The following NPAT variants were observed in gnomAD, a reference collection of about 807,000 sequenced individuals.
NPAT encodes protein NPAT.
A neutral mutation model predicts 130.7 loss-of-function variants in NPAT; 52 were observed. The observed-to-expected ratio is 0.40, with a 90% CI of 0.32 to 0.50. The LOEUF is 0.50. Ranked by LOEUF, NPAT falls within the 20% of genes least tolerant of loss-of-function variation. The pLI is 0.68. For missense variants in NPAT, 1,687 were observed against 1,662.6 expected, an observed-to-expected ratio of 1.01 and a Z score of -0.26; for synonymous variants, 580 against 584.8, an observed-to-expected ratio of 0.99 and a Z score of 0.12.
rs1042146659 is a variant in NPAT, at chr11:108,157,336, C to T, written c.*1606G>A. ...CAAACTCCCAAAAAGAACTGACTTG[C>T]AAAGGAATTTAATCAGTTTCTAAAC... is the stretch of plus-strand genomic sequence containing the variant. On this transcript the variant is annotated 3_prime_UTR_variant, in exon 18 of 18. Transcript: ENST00000278612. 19 of 152,088 alleles carry T rather than the reference C, an allele frequency of 1.2e-4. No homozygotes were observed. The highest frequency in any genetic ancestry group is 4.3e-4 in the African/African-American group (18 of 41,428). 9.4% of individuals were successfully genotyped at this position (152,088 alleles called of 1,614,324 possible). A position where few individuals can be genotyped will look rare whatever the true frequency, so the allele number is the denominator to read the frequency against.
chr11:108,157,913 C>A lies in NPAT; in HGVS notation c.*1029G>T, dbSNP rs1241779756. The A allele has an allele frequency of 6.6e-6, 1 of 152,480 alleles. No homozygotes were observed. Among genetic ancestry groups the A allele is most frequent in the Non-Finnish European group, 1.5e-5 (1 of 67,956 alleles). The allele number at this position is 152,480 out of a possible 1,614,324, so 9.4% of individuals were successfully genotyped here. ...AAACTCTTTGTAACACTTTAAGGGA[C>A]ACAGACAATGCACTATATCTAAGTA... On this transcript the variant is annotated 3_prime_UTR_variant, in exon 18 of 18. Transcript: ENST00000278612.
intron 15 of NPAT, among the ~76,000 whole-genome samples, chr11:108,166,400 A>AT (rs963371909): frequency 6.6e-6 from 1 of 152,124 alleles, no homozygotes; most frequent in African/African-American, 2.4e-5. Flanking sequence ...CTAAAAAAAA[A>AT]TAAAAAAATA....
intron 1 of NPAT, among the ~76,000 whole-genome samples, chr11:108,204,986 A>G (rs990089690): frequency 1.3e-5 from 2 of 152,214 alleles, no homozygotes; most frequent in Admixed American, 6.5e-5. Context: ...AAAAAACTTA[A>G]TCTACACATG....
chr11:108,176,516 C>A (rs984380659), intron 11 of NPAT, 142 bp from the exon 12 acceptor site: 3 of 662,058 alleles, frequency 4.5e-6, no homozygotes, highest in Non-Finnish European at 7.8e-6. Flanking sequence ...CTTTTAATAT[C>A]ATTTACAAGT....
chr11:108,184,246 C>A (rs558195005), intron 10 of NPAT, among the ~76,000 whole-genome samples: 2 of 152,132 alleles, frequency 1.3e-5, no homozygotes, highest in African/African-American at 4.8e-5. Flanking sequence ...CCGAGGCGGG[C>A]AGATAACGAG....
chr11:108,215,600 C>T (rs1012921639), intron 1 of NPAT, among the ~76,000 whole-genome samples: 1 of 152,156 alleles, frequency 6.6e-6, no homozygotes. Flanking sequence ...GGAACTGTAT[C>T]GTTAACCAGG....
chr11:108,217,043 G>C (rs1410994378), intron 1 of NPAT, among the ~76,000 whole-genome samples: 2 of 152,184 alleles, frequency 1.3e-5, no homozygotes, highest in Admixed American at 1.3e-4. Flanking sequence ...TGAGGACACT[G>C]TATGTGTGGA....
chr11:108,210,890 A>G (rs2078377750), intron 1 of NPAT, among the ~76,000 whole-genome samples: 1 of 152,224 alleles, frequency 6.6e-6, no homozygotes, highest in Non-Finnish European at 1.5e-5. Flanking sequence ...AACAAGAGAA[A>G]GACATCACAA....
intron 1 of NPAT, among the ~76,000 whole-genome samples, chr11:108,212,448 C>A (rs1057406963): frequency 4.0e-5 from 6 of 151,632 alleles, no homozygotes; most frequent in African/African-American, 1.2e-4. Context: ...TTGCTTGAAT[C>A]CGGGAGGTGG....
chr11:108,191,185 C>T (rs1403541435), intron 4 of NPAT, among the ~76,000 whole-genome samples: 1 of 151,974 alleles, frequency 6.6e-6, no homozygotes, highest in African/African-American at 2.4e-5. Context: ...AGATGCCTTC[C>T]CACAGAGAAA....
At chr11:108,181,069 C>T (rs903204442) in intron 10 of NPAT, among the ~76,000 whole-genome samples, 5 of 152,194 alleles carry the variant, frequency 3.3e-5, no homozygotes, top group African/African-American at 1.2e-4. Context: ...AAGAGCTTTA[C>T]AGATCAAATT....
At chr11:108,219,994 T>A (rs1348992720) in intron 1 of NPAT, among the ~76,000 whole-genome samples, 1 of 152,194 alleles carries the variant, frequency 6.6e-6, no homozygotes, top group East Asian at 1.9e-4. Flanking sequence ...CAAAGAGAAG[T>A]AGAATACATA....
chr11:108,158,001 T>G lies in NPAT; in HGVS notation c.*941A>C, dbSNP rs1419670188. ...CTAAAATATAAAACTATGATTTCTC[T>G]TTTTACATCTTATGATGGACACAAC... is the stretch of plus-strand genomic sequence containing the variant. On this transcript the variant is annotated 3_prime_UTR_variant, in exon 18 of 18. Coordinates refer to ENST00000278612, the MANE Select transcript of NPAT (RefSeq NM_002519.3). 6.6e-6 allele frequency: 1 copy of G among 152,538 alleles called. No individual in the cohort carries two copies. Among genetic ancestry groups the G allele is most frequent in the Non-Finnish European group, 1.5e-5 (1 of 67,948 alleles). The allele number at this position is 152,538 out of a possible 1,614,324, so 9.4% of individuals were successfully genotyped here.
intron 10 of NPAT, among the ~76,000 whole-genome samples, chr11:108,181,152 A>C (rs1238863548): frequency 6.6e-6 from 1 of 152,154 alleles, no homozygotes; most frequent in Non-Finnish European, 1.5e-5. Flanking sequence ...ACCTTTAAAG[A>C]AGTAACTATG....
rs2078110168 is a variant in NPAT at position 108,186,564 on chromosome 11, G to C, written c.644C>G (p.Ser215Cys). ...LMSPGRRKSE[S>C]QRKSTTLSGP... is the part of the protein sequence containing the mutation. ...AGACAAAGTGGTACTTTTTCTCTGA[G>C]ATTCACTGAAACACATTTTAAAAGC... The change falls in exon 8 of 18, where the codon TCT (serine) becomes TGT (cysteine). Residue 215 changes from serine to cysteine, a missense_variant. Ser to Cys is a moderately radical substitution (Grantham distance 112). Around this residue, in one of 3 missense-constraint regions of NPAT, gnomAD observed 307 missense variants for 298.9 expected, o/e 1.03. Transcript: ENST00000278612. 1 of 1,613,138 alleles carries C rather than the reference G, an allele frequency of 6.2e-7. No individual in the cohort carries two copies. The highest frequency in any genetic ancestry group is 8.5e-7 in the Non-Finnish European group (1 of 1,179,208).
chr11:108,215,988 T>C (rs1170211365), intron 1 of NPAT, among the ~76,000 whole-genome samples: 1 of 152,230 alleles, frequency 6.6e-6, no homozygotes, highest in Non-Finnish European at 1.5e-5. Context: ...GAAAACTAGC[T>C]GGCTGAAAAG....
Position 108,212,208 on chromosome 11 carries a change from G to A in NPAT, c.37+10292C>T, listed in dbSNP as rs183737881. On this transcript the variant is annotated intron_variant, in intron 1 of 17. Coordinates refer to ENST00000278612, the MANE Select transcript of NPAT (RefSeq NM_002519.3). Reference sequence around the variant, plus strand: ...ACATTGCATGTATCCTCTAGCCAGGGCAATTAGGAAAAAACTTGAAATAAA... The same window carrying A: ...ACATTGCATGTATCCTCTAGCCAGGACAATTAGGAAAAAACTTGAAATAAA... Among the ~76,000 whole-genome samples, 107 of 152,098 alleles carry A rather than the reference G, an allele frequency of 7.0e-4. 1 individual carries two copies. The highest frequency in any genetic ancestry group is 2.4e-3 in the African/African-American group (101 of 41,492).
In NPAT at chr11:108,172,815, T is replaced by C. The variant is rs756897319; in HGVS notation, c.2169A>G (p.Lys723=). The C allele has an allele frequency of 6.2e-7, 1 of 1,613,416 alleles. No individual in the cohort carries two copies. The highest frequency in any genetic ancestry group is 8.5e-7 in the Non-Finnish European group (1 of 1,179,664). ...SHPESQNTDD[K]PSSNNSAEID... Reference sequence around the variant, plus strand: ...TCTCTGCTGAGTTGTTGCTAGAAGGTTTATCATCAGTATTTTGGGACTCAG... The same window carrying C: ...TCTCTGCTGAGTTGTTGCTAGAAGGCTTATCATCAGTATTTTGGGACTCAG... Residue 723 remains lysine (K), a synonymous_variant, in exon 13 of 18, where the codon AAA becomes AAG. Transcript: ENST00000278612.
Position 108,189,096 on chromosome 11 carries a change from G to A in NPAT, c.556+10C>T. 6.2e-7 allele frequency: 1 copy of A among 1,601,632 alleles called. No individual in the cohort carries two copies. The highest frequency in any genetic ancestry group is 8.6e-7 in the Non-Finnish European group (1 of 1,169,076). ...ACAACAAAATTTAAGAGAACAAAAT[G>A]TAAACTTACTGGTTACAGTATCTTG... is the stretch of plus-strand genomic sequence containing the variant. On this transcript the variant is annotated intron_variant, in intron 6 of 17. Transcript: ENST00000278612.
Sources: allele counts gnomAD v4.1 joint callset (sites outside exome capture counted in the v4.1 genomes callset), GRCh38; gene constraint gnomAD v4.1.1; regional missense constraint gnomAD v4.1.1; transcripts MANE v1.5; gene names NCBI Gene and HGNC (gene_info 2026-07-23, HGNC 2026-07-21).